The following SEMA6D variants were observed in gnomAD, a reference collection of about 807,000 sequenced individuals.
The protein encoded by SEMA6D is semaphorin 6D.
Under a neutral mutation model 106.6 loss-of-function variants are expected in SEMA6D, and 35 were observed. The observed-to-expected ratio is 0.33, with a 90% CI of 0.25 to 0.44. The LOEUF is 0.44. Among genes scored for constraint, SEMA6D ranks in the 20% least tolerant of loss-of-function variants. The pLI is 1.00. For missense variants in SEMA6D, 1,185 were observed against 1,345.9 expected (o/e 0.88, Z 1.87); for synonymous variants, 499 against 487.7 (o/e 1.02, Z -0.31).
chr15:47,610,622 G>T (rs2076879257), intron 4 of SEMA6D, among the ~76,000 whole-genome samples: 2 of 152,134 alleles, frequency 1.3e-5, no homozygotes, highest in Admixed American at 1.3e-4. Context: ...TTCATCATCT[G>T]CTTCCTTCCT....
At chr15:47,573,692 C>T (rs1220475179) in intron 3 of SEMA6D, among the ~76,000 whole-genome samples, 1 of 152,162 alleles carries the variant, frequency 6.6e-6, no homozygotes, top group Non-Finnish European at 1.5e-5. Context: ...AAACATGTCC[C>T]ATGCTGAATA....
chr15:47,401,278 A>T lies in SEMA6D; in HGVS notation c.-238-11115A>T, dbSNP rs371581978. Among the ~76,000 whole-genome samples the T allele has an allele frequency of 2.0e-5, 3 of 152,312 alleles. No homozygotes were observed. The East Asian group carries it at 5.8e-4, about 29-fold the overall frequency. On this transcript the variant is annotated intron_variant, in intron 1 of 19. Coordinates refer to the SEMA6D transcript ENST00000558014. ...TTTATAATCCCACATTTCTTATAGA[A>T]TAAATGGTCCCAACTTTTATTTTTG...
intron 3 of SEMA6D, among the ~76,000 whole-genome samples, chr15:47,500,881 G>A (rs1385664251): frequency 6.6e-6 from 1 of 152,134 alleles, no homozygotes; most frequent in Non-Finnish European, 1.5e-5. Context: ...GAGTGTCTTA[G>A]AGTGTTGTTA....
At chr15:47,766,284 TTTG>T (rs112456678) in intron 15 of SEMA6D, 102 bp downstream of exon 15, 28 of 1,060,980 alleles carry the variant, frequency 2.6e-5, no homozygotes, top group African/African-American at 1.9e-4. Context: ...TTTCTTTTTT[TTTG>T]TTGTTATGGG....
chr15:47,478,022 C>A (rs934493882), intron 3 of SEMA6D, among the ~76,000 whole-genome samples: 3 of 152,172 alleles, frequency 2.0e-5, no homozygotes, highest in African/African-American at 7.2e-5. Context: ...TATCACGCAG[C>A]AATTCTCTCC....
At chr15:47,382,542 A>G (rs1423078008) in intron 1 of SEMA6D, among the ~76,000 whole-genome samples, 2 of 152,194 alleles carry the variant, frequency 1.3e-5, no homozygotes. Context: ...AGCTGTGTTT[A>G]TACAAAAAGA....
intron 4 of SEMA6D, among the ~76,000 whole-genome samples, chr15:47,692,089 G>A (rs2078598644): frequency 6.6e-6 from 1 of 152,140 alleles, no homozygotes; most frequent in Admixed American, 6.6e-5. Flanking sequence ...TTGAGAAAAT[G>A]GAAGAGAGCC....
intron 1 of SEMA6D, among the ~76,000 whole-genome samples, chr15:47,256,406 GGTCGCAT>G: frequency 6.6e-6 from 1 of 152,174 alleles, no homozygotes; most frequent in South Asian, 2.1e-4. Context: ...TCTGCATACA[GGTCGCAT>G]AACAGTTTTG....
In SEMA6D at chr15:47,770,933, C is replaced by T; in HGVS notation, c.2370C>T (p.Ser790=). 1 of 1,614,092 alleles carries T rather than the reference C, an allele frequency of 6.2e-7. No homozygotes were observed. Among genetic ancestry groups the T allele is most frequent in the Non-Finnish European group, 8.5e-7 (1 of 1,179,998 alleles). The part of the protein sequence containing the change: ...LHQKTLQAMK[S]HSEKAHGHGA... The stretch of plus-strand genomic sequence containing the variant: ...AGAAGACCCTGCAGGCCATGAAGAG[C>T]CACTCAGAAAAGGCCCATGGCCATG... Residue 790 remains serine, a synonymous_variant, in exon 19 of 19, where the codon AGC becomes AGT. Coordinates refer to ENST00000536845, the MANE Select transcript of SEMA6D (RefSeq NM_001358351.3).
chr15:47,324,606 T>C (rs891796765), intron 1 of SEMA6D, among the ~76,000 whole-genome samples: 1 of 151,464 alleles, frequency 6.6e-6, no homozygotes, highest in African/African-American at 2.4e-5. Flanking sequence ...GGAAGCCAAC[T>C]GGTATATGAG....
In SEMA6D at chr15:47,643,464, G is replaced by A. The variant is rs114577830; in HGVS notation, c.-55+42568G>A. Among the ~76,000 whole-genome samples the A allele has an allele frequency of 4.5e-3, 685 of 152,286 alleles. 1 individual carries two copies. The highest frequency in any genetic ancestry group is 0.015 in the African/African-American group (637 of 41,550). ...GCTGTAGCATGCAACATGAGAGCAGGTCTTCTCAAACTTTTATGTACTTGC... is the reference window on the plus strand; with the variant it reads ...GCTGTAGCATGCAACATGAGAGCAGATCTTCTCAAACTTTTATGTACTTGC... On this transcript the variant is annotated intron_variant, in intron 4 of 19. Transcript: ENST00000558014.
At chr15:47,741,742 TAAG>T (rs1421902063) in intron 1 of SEMA6D, among the ~76,000 whole-genome samples, 2 of 151,680 alleles carry the variant, frequency 1.3e-5, no homozygotes, top group African/African-American at 2.4e-5. Context: ...GAAAACAAAA[TAAG>T]AAGGTTAGCA....
chr15:47,591,905 T>C (rs1343437361), intron 3 of SEMA6D, among the ~76,000 whole-genome samples: 2 of 152,086 alleles, frequency 1.3e-5, no homozygotes, highest in Non-Finnish European at 2.9e-5. Context: ...GAATGACATT[T>C]GGAAAGAGCC....
chr15:47,733,785 G>T (rs1596858085), intron 1 of SEMA6D, among the ~76,000 whole-genome samples: 1 of 152,166 alleles, frequency 6.6e-6, no homozygotes, highest in African/African-American at 2.4e-5. Context: ...AGTTATAGTA[G>T]TTTTGGTTTT....
At chr15:47,338,747 G>GTTA (rs2037678795) in intron 1 of SEMA6D, among the ~76,000 whole-genome samples, 1 of 152,134 alleles carries the variant, frequency 6.6e-6, no homozygotes, top group South Asian at 2.1e-4. Context: ...AGCCTGTGAT[G>GTTA]TTATGATAGA....
chr15:47,719,072 C>T (rs1424089909), intron 1 of SEMA6D, among the ~76,000 whole-genome samples: 1 of 151,998 alleles, frequency 6.6e-6, no homozygotes, highest in African/African-American at 2.4e-5. Flanking sequence ...AATTTGTGCT[C>T]CATCCACTCT....
chr15:47,507,897 G>T (rs1004309107), intron 3 of SEMA6D, among the ~76,000 whole-genome samples: 7 of 152,214 alleles, frequency 4.6e-5, no homozygotes, highest in Non-Finnish European at 8.8e-5. Flanking sequence ...TTTGGTTCAA[G>T]TACCTTCGGG....
intron 4 of SEMA6D, among the ~76,000 whole-genome samples, chr15:47,700,375 A>T (rs889017560): frequency 6.6e-6 from 1 of 152,068 alleles, no homozygotes; most frequent in African/African-American, 2.4e-5. Flanking sequence ...AATATTTTTT[A>T]AAAAACAAAA....
chr15:47,372,740 T>C (rs1255665614), intron 1 of SEMA6D, among the ~76,000 whole-genome samples: 2 of 152,164 alleles, frequency 1.3e-5, no homozygotes, highest in African/African-American at 4.8e-5. Context: ...ACATTAAACT[T>C]TGCCCCTAAA....
Sources: gnomAD v4.1 joint callset for allele counts (sites outside exome capture counted in the v4.1 genomes callset) on GRCh38, gnomAD v4.1.1 for gene constraint, MANE v1.5 for transcripts, NCBI Gene and HGNC (gene_info 2026-07-23, HGNC 2026-07-21) for gene names.